KIAA1328: variants seen among roughly 807,000 people sequenced by gnomAD.
The protein encoded by KIAA1328 is protein hinderin.
A neutral mutation model predicts 68.1 loss-of-function variants in KIAA1328; 52 were observed. The ratio of observed to expected loss-of-function variants is 0.76; its 90% CI spans 0.61 to 0.96. The LOEUF is 0.96. KIAA1328 is among the 40% of genes least tolerant of loss of function. The pLI, the probability that KIAA1328 is intolerant of heterozygous loss-of-function variation, is 0.00. For synonymous variants in KIAA1328, 232 were observed against 239.4 expected, an observed-to-expected ratio of 0.97 and a Z score of 0.28; for missense variants, 641 against 677.6, an observed-to-expected ratio of 0.95 and a Z score of 0.60.
At chr18:36,835,791 G>A (rs919494074) in intron 3 of KIAA1328, among the ~76,000 whole-genome samples, 3 of 152,020 alleles carry the variant, frequency 2.0e-5, no homozygotes, top group Admixed American at 1.3e-4. Context: ...TAATAGTATC[G>A]GTGCATTCCT....
intron 5 of KIAA1328, among the ~76,000 whole-genome samples, chr18:36,913,069 G>A (rs530760700): frequency 2.7e-4 from 41 of 152,274 alleles, no homozygotes; most frequent in Non-Finnish European, 5.1e-4. Context: ...CATGAAAGGT[G>A]GCACATGTTT....
At chr18:37,002,936 ATTG>A (rs1268166686) in intron 6 of KIAA1328, among the ~76,000 whole-genome samples, 1 of 152,160 alleles carries the variant, frequency 6.6e-6, no homozygotes, top group Admixed American at 6.6e-5. Flanking sequence ...TTTAAAATAT[ATTG>A]TAAGACCATC....
intron 6 of KIAA1328, among the ~76,000 whole-genome samples, chr18:36,989,151 T>A (rs1194621682): frequency 2.0e-5 from 3 of 152,170 alleles, no homozygotes. Context: ...GAATACTTTG[T>A]CAATTAAGAG....
At chr18:36,948,613 G>T (rs552377319) in intron 5 of KIAA1328, among the ~76,000 whole-genome samples, 1 of 146,912 alleles carries the variant, frequency 6.8e-6, no homozygotes, top group South Asian at 2.1e-4. Flanking sequence ...AAAATGGCAC[G>T]ATCTCAGCTC....
chr18:37,174,941 G>A (rs1489725306), intron 9 of KIAA1328, among the ~76,000 whole-genome samples: 1 of 152,128 alleles, frequency 6.6e-6, no homozygotes, highest in African/African-American at 2.4e-5. Context: ...AAAGTGCTGG[G>A]ATTACAGGTG....
chr18:36,993,573 C>T (rs975035413), intron 6 of KIAA1328, among the ~76,000 whole-genome samples: 4 of 152,012 alleles, frequency 2.6e-5, no homozygotes, highest in Non-Finnish European at 5.9e-5. Context: ...AGATATTACA[C>T]TTATCCAAAG....
downstream of KIAA1328, among the ~76,000 whole-genome samples, chr18:37,226,143 C>G (rs2060635445): frequency 1.3e-5 from 2 of 152,264 alleles, no homozygotes; most frequent in South Asian, 4.2e-4. Flanking sequence ...AGGGAGCAGT[C>G]TTGGATTCAT....
intron 4 of KIAA1328, among the ~76,000 whole-genome samples, chr18:36,848,181 C>T (rs141090389): frequency 4.4e-4 from 66 of 151,600 alleles, no homozygotes; most frequent in African/African-American, 1.5e-3. Flanking sequence ...CTAACATTAT[C>T]GAGTCTTTCA....
At chr18:36,897,842 A>G (rs749416853) in intron 5 of KIAA1328, among the ~76,000 whole-genome samples, 36 of 152,086 alleles carry the variant, frequency 2.4e-4, no homozygotes, top group Non-Finnish European at 4.4e-4. Context: ...GTAGCTTGGC[A>G]TGGCAGAGAA....
At chr18:37,201,722 T>C (rs987816799) in intron 9 of KIAA1328, among the ~76,000 whole-genome samples, 1 of 152,224 alleles carries the variant, frequency 6.6e-6, no homozygotes, top group African/African-American at 2.4e-5. Flanking sequence ...ACCATCAGAC[T>C]GTGCCTGTAA....
At chr18:37,043,443 G>T (rs1197292087) in intron 6 of KIAA1328, among the ~76,000 whole-genome samples, 2 of 152,122 alleles carry the variant, frequency 1.3e-5, no homozygotes, top group African/African-American at 4.8e-5. Flanking sequence ...GACTTGCCTG[G>T]ATGCATTCTG....
At chr18:37,103,573 C>T (rs2057686514) in intron 7 of KIAA1328, among the ~76,000 whole-genome samples, 1 of 152,040 alleles carries the variant, frequency 6.6e-6, no homozygotes, top group South Asian at 2.1e-4. Flanking sequence ...ATACAGAAAA[C>T]ATTTTAGGAC....
intron 9 of KIAA1328, among the ~76,000 whole-genome samples, chr18:37,199,616 T>C (rs1340539907): frequency 1.3e-5 from 2 of 152,204 alleles, no homozygotes; most frequent in Non-Finnish European, 2.9e-5. Flanking sequence ...TACCCAGTAA[T>C]GGCATTGCTG....
chr18:37,043,541 C>T (rs905144778), intron 6 of KIAA1328, among the ~76,000 whole-genome samples: 2 of 152,114 alleles, frequency 1.3e-5, no homozygotes, highest in African/African-American at 2.4e-5. Flanking sequence ...AGAGGATTGC[C>T]CTGAGTCAGC....
At chr18:36,913,019 T>G (rs983338703) in intron 5 of KIAA1328, among the ~76,000 whole-genome samples, 4 of 152,212 alleles carry the variant, frequency 2.6e-5, no homozygotes, top group African/African-American at 9.6e-5. Flanking sequence ...TCCACACTTG[T>G]GGGCTCAGGG....
At chr18:36,829,510 G>T (rs900649079) in intron 1 of KIAA1328, 1 of 1,119,514 alleles carries the variant, frequency 8.9e-7, no homozygotes, top group Non-Finnish European at 1.1e-6. Flanking sequence ...AGGTCCCTCT[G>T]CCCACCCTGT....
At chr18:36,854,581 T>A (rs2047322967) in intron 4 of KIAA1328, among the ~76,000 whole-genome samples, 1 of 152,208 alleles carries the variant, frequency 6.6e-6, no homozygotes. Flanking sequence ...AGGACGGGTC[T>A]ACTAGTGATG....
chr18:36,981,111 T>C (rs1325497498), intron 6 of KIAA1328, among the ~76,000 whole-genome samples: 1 of 152,236 alleles, frequency 6.6e-6, no homozygotes, highest in Non-Finnish European at 1.5e-5. Context: ...AAATAATGCC[T>C]GGGAATAGTG....
chr18:36,872,509 A>T (rs1468996540), intron 4 of KIAA1328, among the ~76,000 whole-genome samples: 2 of 152,142 alleles, frequency 1.3e-5, no homozygotes, highest in African/African-American at 4.8e-5. Context: ...AGGAATTTGA[A>T]ACCTGTGGTG....
Sources: gnomAD v4.1 joint callset for allele counts (sites outside exome capture counted in the v4.1 genomes callset) on GRCh38, gnomAD v4.1.1 for gene constraint, MANE v1.5 for transcripts, NCBI Gene and HGNC (gene_info 2026-07-23, HGNC 2026-07-21) for gene names.